EFNA5: variants seen among roughly 807,000 people sequenced by gnomAD.
The protein encoded by EFNA5 is ephrin A5.
EFNA5 carries 5 observed loss-of-function variants against 22.9 expected under a neutral mutation model. The observed-to-expected ratio is 0.22, with a 90% CI of 0.11 to 0.46. The LOEUF is 0.46. Ranked by LOEUF, EFNA5 falls within the 20% of genes least tolerant of loss-of-function variation. EFNA5 has a pLI of 0.99. For synonymous variants in EFNA5, 113 were observed against 112.2 expected, an observed-to-expected ratio of 1.01 and a Z score of -0.04; for missense variants, 237 against 293.3, an observed-to-expected ratio of 0.81 and a Z score of 1.40.
chr5:107,556,700 C>G (rs532704371), intron 1 of EFNA5, among the ~76,000 whole-genome samples: 7 of 151,284 alleles, frequency 4.6e-5, no homozygotes, highest in African/African-American at 7.3e-5. Context: ...GAGTCGAGAT[C>G]GCAGCATTGC....
chr5:107,534,442 G>A (rs921984606), intron 1 of EFNA5, among the ~76,000 whole-genome samples: 56 of 152,196 alleles, frequency 3.7e-4, no homozygotes, highest in African/African-American at 1.3e-3. Context: ...AATAAAGAAT[G>A]TAAATCTAGG....
chr5:107,408,169 G>GCA (rs111307720), intron 2 of EFNA5, among the ~76,000 whole-genome samples: 1,806 of 149,062 alleles, frequency 0.012, 20 homozygotes, highest in Middle Eastern at 0.024. Flanking sequence ...GCAAAACAAC[G>GCA]CACACACACA....
intron 2 of EFNA5, among the ~76,000 whole-genome samples, chr5:107,404,424 T>C (rs1748158338): frequency 6.6e-6 from 1 of 152,242 alleles, no homozygotes; most frequent in Non-Finnish European, 1.5e-5. Flanking sequence ...TTAATTGACA[T>C]GGAGCTTGGT....
chr5:107,620,748 C>T (rs1750016562), intron 1 of EFNA5, among the ~76,000 whole-genome samples: 1 of 152,092 alleles, frequency 6.6e-6, no homozygotes, highest in South Asian at 2.1e-4. Context: ...TTGAAAAGTC[C>T]CTCCTATTAA....
At chr5:107,631,086 T>A (rs938756134) in intron 1 of EFNA5, among the ~76,000 whole-genome samples, 3 of 151,792 alleles carry the variant, frequency 2.0e-5, no homozygotes, top group Admixed American at 6.6e-5. Flanking sequence ...TGCAGTTAAC[T>A]TTTTTTATAT....
At chr5:107,633,306 G>A (rs984973380) in intron 1 of EFNA5, among the ~76,000 whole-genome samples, 1 of 152,204 alleles carries the variant, frequency 6.6e-6, no homozygotes, top group African/African-American at 2.4e-5. Context: ...GATGAGACAT[G>A]CAATTAGGCT....
At chr5:107,394,327 G>A (rs1747863581) in intron 2 of EFNA5, among the ~76,000 whole-genome samples, 1 of 152,128 alleles carries the variant, frequency 6.6e-6, no homozygotes, top group Non-Finnish European at 1.5e-5. Context: ...CGTAAAATTT[G>A]GAAAGGAGGT....
chr5:107,476,441 G>A (rs1410490217), intron 1 of EFNA5, among the ~76,000 whole-genome samples: 1 of 152,076 alleles, frequency 6.6e-6, no homozygotes, highest in Admixed American at 6.6e-5. Flanking sequence ...TTCAAAACAA[G>A]AACCCAGAGC....
At chr5:107,528,673 C>A (rs1313565442) in intron 1 of EFNA5, among the ~76,000 whole-genome samples, 3 of 152,132 alleles carry the variant, frequency 2.0e-5, no homozygotes, top group African/African-American at 7.2e-5. Flanking sequence ...CTAAACACAA[C>A]AACAAAAACT....
At chr5:107,441,836 G>A (rs556032690) in intron 1 of EFNA5, among the ~76,000 whole-genome samples, 1 of 152,206 alleles carries the variant, frequency 6.6e-6, no homozygotes, top group East Asian at 1.9e-4. Context: ...TTAAAAATTT[G>A]TATCACATGT....
intron 1 of EFNA5, among the ~76,000 whole-genome samples, chr5:107,548,842 G>C (rs1037718385): frequency 2.0e-5 from 3 of 152,190 alleles, no homozygotes; most frequent in Non-Finnish European, 4.4e-5. Flanking sequence ...ACAGTGTAAA[G>C]TGGAAGAAGT....
At chr5:107,397,449 T>G (rs1747958636) in intron 2 of EFNA5, among the ~76,000 whole-genome samples, 1 of 151,814 alleles carries the variant, frequency 6.6e-6, no homozygotes, top group African/African-American at 2.4e-5. Flanking sequence ...CTCAGGAGGC[T>G]GAGGCAGAGA....
At chr5:107,564,883 A>C (rs1245758578) in intron 1 of EFNA5, among the ~76,000 whole-genome samples, 1 of 152,174 alleles carries the variant, frequency 6.6e-6, no homozygotes, top group Non-Finnish European at 1.5e-5. Context: ...ACTGAACATA[A>C]AGAGTTCCAA....
intron 1 of EFNA5, among the ~76,000 whole-genome samples, chr5:107,631,960 G>A (rs973533508): frequency 4.6e-5 from 7 of 152,166 alleles, no homozygotes; most frequent in Admixed American, 2.0e-4. Flanking sequence ...AGAAACCCTC[G>A]CTGTACCTCC....
chr5:107,417,316 T>A (rs934249426), intron 2 of EFNA5, among the ~76,000 whole-genome samples: 1 of 152,214 alleles, frequency 6.6e-6, no homozygotes, highest in South Asian at 2.1e-4. Flanking sequence ...ATTTTACTTT[T>A]GAGGCTCAGA....
chr5:107,426,833 T>C, intron 2 of EFNA5: 2 of 188,880 alleles, frequency 1.1e-5, no homozygotes, highest in Non-Finnish European at 2.2e-5. Flanking sequence ...ATTGAAAGGA[T>C]ATTGCTGACA....
At chr5:107,387,492 A>C (rs1254692044) in intron 3 of EFNA5, among the ~76,000 whole-genome samples, 177 bp from the exon 4 acceptor site, 7 of 152,228 alleles carry the variant, frequency 4.6e-5, no homozygotes, top group African/African-American at 1.4e-4. Flanking sequence ...CAACAGTCTA[A>C]GAAACAACAA....
intron 1 of EFNA5, among the ~76,000 whole-genome samples, chr5:107,582,034 T>C (rs1368541385): frequency 6.6e-6 from 1 of 152,194 alleles, no homozygotes; most frequent in Non-Finnish European, 1.5e-5. Flanking sequence ...AGAAAAATCC[T>C]GGTGCCTAAA....
At chr5:107,488,788 T>A (rs1345996967) in intron 1 of EFNA5, among the ~76,000 whole-genome samples, 1 of 152,180 alleles carries the variant, frequency 6.6e-6, no homozygotes, top group Non-Finnish European at 1.5e-5. Flanking sequence ...GCCTCCTGGG[T>A]TGAAGCGAGT....
Sources: gnomAD v4.1 joint callset for allele counts (sites outside exome capture counted in the v4.1 genomes callset) on GRCh38, gnomAD v4.1.1 for gene constraint, MANE v1.5 for transcripts, NCBI Gene and HGNC (gene_info 2026-07-23, HGNC 2026-07-21) for gene names.